The following WDR7 variants were observed in gnomAD, a reference collection of about 807,000 sequenced individuals.
The protein encoded by WDR7 is WD repeat domain 7.
WDR7 carries 46 observed loss-of-function variants against 169.4 expected under a neutral mutation model. The ratio of observed to expected loss-of-function variants is 0.27; its 90% CI spans 0.21 to 0.35. The LOEUF (loss-of-function observed/expected upper bound fraction) is 0.35, where lower values mean the gene tolerates loss of function less well. WDR7 is among the 10% of genes least tolerant of loss of function. WDR7 has a pLI of 1.00. For synonymous variants in WDR7, 612 were observed against 666.8 expected (o/e 0.92, Z 1.27); for missense variants, 1,534 against 1,859.3 (o/e 0.83, Z 3.22).
chr18:56,856,101 A>G (rs1047557985), intron 20 of WDR7, among the ~76,000 whole-genome samples: 2 of 152,182 alleles, frequency 1.3e-5, no homozygotes, highest in African/African-American at 4.8e-5. Flanking sequence ...AGGAGAGGTG[A>G]ATAAGACCAA....
At chr18:56,670,506 ATTATT>A (rs1301066391) in intron 1 of WDR7, among the ~76,000 whole-genome samples, 1 of 152,016 alleles carries the variant, frequency 6.6e-6, no homozygotes, top group Admixed American at 6.6e-5. Flanking sequence ...GATATAAATT[ATTATT>A]TTATTTTATT....
chr18:56,695,002 T>C lies in WDR7; in HGVS notation c.1161T>C (p.Asn387=), dbSNP rs535813096. 5.6e-6 allele frequency: 9 copies of C among 1,614,214 alleles called. No individual in the cohort carries two copies. In the African/African-American group the frequency reaches 1.1e-4, roughly 19 times the overall value. Reference sequence around the variant, plus strand: ...TGCAAGAGGCATTTGATAAACTGAATCCTTGTCCTGCTGGAATTATAGATC... The same window carrying C: ...TGCAAGAGGCATTTGATAAACTGAACCCTTGTCCTGCTGGAATTATAGATC... ...ISLQEAFDKL[N]PCPAGIIDQL... Residue 387 remains asparagine (N), a synonymous_variant, in exon 11 of 28, where the codon AAT becomes AAC. Coordinates refer to ENST00000254442, the MANE Select transcript of WDR7 (RefSeq NM_015285.3).
chr18:56,958,182 T>A (rs188404830), intron 25 of WDR7, among the ~76,000 whole-genome samples: 2 of 152,282 alleles, frequency 1.3e-5, no homozygotes, highest in Non-Finnish European at 2.9e-5. Flanking sequence ...CAGAGTAGAC[T>A]CAGTTCATAT....
At chr18:56,708,133 A>G (rs1405460706) in intron 12 of WDR7, among the ~76,000 whole-genome samples, 1 of 150,842 alleles carries the variant, frequency 6.6e-6, no homozygotes, top group Admixed American at 6.6e-5. Context: ...TCCCAGGTTC[A>G]AGCGATTCTT....
chr18:56,672,773 T>C, intron 2 of WDR7, 99 bp downstream of exon 2: 2 of 1,211,454 alleles, frequency 1.7e-6, no homozygotes, highest in Non-Finnish European at 2.2e-6. Context: ...CCACAGTAGA[T>C]TTTCTGAAAA....
At chr18:56,739,765 G>A (rs1205211586) in intron 14 of WDR7, among the ~76,000 whole-genome samples, 17 of 151,714 alleles carry the variant, frequency 1.1e-4, no homozygotes, top group Non-Finnish European at 2.9e-5. Context: ...TTTTGGGGGG[G>A]GGAATAAGCT....
intron 13 of WDR7, chr18:56,721,330 CTT>C (rs926487766): frequency 6.6e-6 from 1 of 152,006 alleles, no homozygotes; most frequent in Non-Finnish European, 1.5e-5. Flanking sequence ...CAAATGAGTA[CTT>C]TGTGTTTTCA....
At chr18:56,963,221 C>T (rs2047360987) in intron 26 of WDR7, among the ~76,000 whole-genome samples, 1 of 152,104 alleles carries the variant, frequency 6.6e-6, no homozygotes, top group African/African-American at 2.4e-5. Context: ...CGCACTGTTA[C>T]TTCACAAAAT....
At position 56,776,779 on chromosome 18, in the gene WDR7, A is replaced by G; in HGVS notation, c.2849-3A>G. ...CTTTACTTCTTCTCTTTTCCTCTGCAAGTTGCTGCACCTGTCGTTTCCGCT... is the reference window on the plus strand; with the variant it reads ...CTTTACTTCTTCTCTTTTCCTCTGCGAGTTGCTGCACCTGTCGTTTCCGCT... On this transcript the variant is annotated splice_region_variant and splice_polypyrimidine_tract_variant and intron_variant, in intron 16 of 27. Transcript: ENST00000254442. 1.2e-6 allele frequency: 2 copies of G among 1,613,508 alleles called. No homozygotes were observed. The highest frequency in any genetic ancestry group is 2.2e-5 in the South Asian group (2 of 91,046).
At chr18:56,677,982 A>G (rs1413035408) in intron 2 of WDR7, among the ~76,000 whole-genome samples, 1 of 151,736 alleles carries the variant, frequency 6.6e-6, no homozygotes, top group Non-Finnish European at 1.5e-5. Flanking sequence ...TTGACTGTAT[A>G]TTTTCAAATA....
chr18:56,690,817 GAA>G (rs61215067), intron 7 of WDR7, among the ~76,000 whole-genome samples: 136,906 of 149,770 alleles, frequency 0.91, 63,526 homozygotes, highest in Non-Finnish European at 1. Context: ...TTTGTCTCAA[GAA>G]AAAAAAAAAA....
rs867576555 is a variant in WDR7, at chr18:56,687,394, A to G, written c.717+420A>G. 1.6e-4 allele frequency among the ~76,000 whole-genome samples: 25 copies of G among 152,330 alleles called. No homozygotes were observed. In the Middle Eastern group the frequency reaches 0.01, roughly 62 times the overall value. ...CTTCAGAGCTAATGATGGAAGAGGT[A>G]TATTACTTCCACATTGCCAGACTTT... On this transcript the variant is annotated intron_variant, in intron 7 of 27. Transcript: ENST00000254442.
chr18:56,819,805 G>T (rs2045055114), intron 20 of WDR7, among the ~76,000 whole-genome samples: 1 of 152,038 alleles, frequency 6.6e-6, no homozygotes, highest in Non-Finnish European at 1.5e-5. Flanking sequence ...GTTGATTCTA[G>T]ATTATAATTT....
intron 18 of WDR7, among the ~76,000 whole-genome samples, chr18:56,780,166 T>C (rs1453427396): frequency 6.6e-6 from 1 of 152,168 alleles, no homozygotes; most frequent in Non-Finnish European, 1.5e-5. Flanking sequence ...TGGTAGGAGC[T>C]CACTAAATGG....
At chr18:56,677,751 G>A (rs545759689) in intron 2 of WDR7, among the ~76,000 whole-genome samples, 1 of 152,144 alleles carries the variant, frequency 6.6e-6, no homozygotes, top group South Asian at 2.1e-4. Context: ...AGTCATCTTT[G>A]GGTTAAATTT....
intron 20 of WDR7, among the ~76,000 whole-genome samples, chr18:56,850,807 C>T (rs1008382768): frequency 6.6e-6 from 1 of 152,202 alleles, no homozygotes; most frequent in Non-Finnish European, 1.5e-5. Context: ...GCCATTGTGC[C>T]TAGCTTGAAC....
At chr18:57,022,647 T>C (rs1307111340) in intron 27 of WDR7, among the ~76,000 whole-genome samples, 1 of 152,260 alleles carries the variant, frequency 6.6e-6, no homozygotes, top group Non-Finnish European at 1.5e-5. Context: ...CTTTTTCCCC[T>C]AAGATCTTCA....
chr18:56,957,702 A>G (rs1399720287), intron 25 of WDR7, among the ~76,000 whole-genome samples: 1 of 152,130 alleles, frequency 6.6e-6, no homozygotes, highest in Non-Finnish European at 1.5e-5. Flanking sequence ...ACATAGTAGT[A>G]GTTGTGGTAT....
intron 13 of WDR7, chr18:56,721,330 CT>C (rs926487766): frequency 2.6e-5 from 4 of 152,006 alleles, no homozygotes; most frequent in African/African-American, 9.7e-5. Context: ...CAAATGAGTA[CT>C]TTGTGTTTTC....
Sources: allele counts gnomAD v4.1 joint callset (sites outside exome capture counted in the v4.1 genomes callset), GRCh38; gene constraint gnomAD v4.1.1; transcripts MANE v1.5; gene names NCBI Gene and HGNC (gene_info 2026-07-23, HGNC 2026-07-21).